EAF2: variants seen among roughly 807,000 people sequenced by gnomAD.
EAF2 encodes ELL-associated factor 2.
Under a neutral mutation model 29.4 loss-of-function variants are expected in EAF2, and 29 were observed. The observed-to-expected ratio is 0.99, with a 90% CI of 0.73 to 1.35. The LOEUF is 1.35. Ranked by LOEUF, EAF2 falls within the 40% of genes most tolerant of loss-of-function variation. The pLI, the probability that EAF2 is intolerant of heterozygous loss-of-function variation, is 0.00. For missense variants in EAF2, 292 were observed against 312.0 expected (o/e 0.94, Z 0.48); for synonymous variants, 103 against 102.5 (o/e 1.00, Z -0.03).
At chr3:121,840,189 GAAAAAAAAAAAA>G (rs35521886) in intron 1 of EAF2, among the ~76,000 whole-genome samples, 1 of 69,618 alleles carries the variant, frequency 1.4e-5, no homozygotes, top group Non-Finnish European at 2.5e-5. Flanking sequence ...ATTCTCTCAG[GAAAAAAAAAAAA>G]AAAAAAAAAA....
chr3:121,885,844 G>A (rs1427404480), intron 5 of EAF2, among the ~76,000 whole-genome samples: 1 of 151,920 alleles, frequency 6.6e-6, no homozygotes, highest in Non-Finnish European at 1.5e-5. Flanking sequence ...TTATATATTT[G>A]TTTATTTGTT....
chr3:121,860,590 A>C (rs1708809355), intron 4 of EAF2, among the ~76,000 whole-genome samples: 1 of 151,990 alleles, frequency 6.6e-6, no homozygotes, highest in African/African-American at 2.4e-5. Context: ...CTAGTGGTCT[A>C]TCAATTTTGT....
chr3:121,857,227 C>T, intron 4 of EAF2, 71 bp downstream of exon 4: 1 of 1,385,658 alleles, frequency 7.2e-7, no homozygotes, highest in South Asian at 1.4e-5. Flanking sequence ...GGCATGGTGG[C>T]TCACACCTGT....
intron 4 of EAF2, among the ~76,000 whole-genome samples, chr3:121,863,650 G>T (rs951399116): frequency 6.6e-6 from 1 of 152,004 alleles, no homozygotes; most frequent in African/African-American, 2.4e-5. Context: ...CGCACTTCCC[G>T]GGTGAGGCAA....
chr3:121,878,969 C>T (rs527912787), intron 5 of EAF2, among the ~76,000 whole-genome samples: 13 of 152,260 alleles, frequency 8.5e-5, no homozygotes, highest in African/African-American at 3.1e-4. Context: ...CCATACTGTT[C>T]TCCATAGTGC....
chr3:121,874,275 A>G (rs1426733601), intron 5 of EAF2, among the ~76,000 whole-genome samples: 1 of 151,878 alleles, frequency 6.6e-6, no homozygotes, highest in African/African-American at 2.4e-5. Context: ...ACTGAGAGGC[A>G]GAGAATTGGT....
chr3:121,863,078 T>C (rs1708862024), intron 4 of EAF2, among the ~76,000 whole-genome samples: 1 of 152,152 alleles, frequency 6.6e-6, no homozygotes, highest in African/African-American at 2.4e-5. Flanking sequence ...GAGGGGCACT[T>C]GGCTGTATGA....
intron 4 of EAF2, among the ~76,000 whole-genome samples, chr3:121,863,841 C>T (rs1258441235): frequency 6.6e-6 from 1 of 152,064 alleles, no homozygotes; most frequent in Non-Finnish European, 1.5e-5. Flanking sequence ...CCCCTTGTAT[C>T]ATTTTAAATT....
At chr3:121,885,191 A>C (rs1709263321) in intron 5 of EAF2, among the ~76,000 whole-genome samples, 2 of 152,172 alleles carry the variant, frequency 1.3e-5, no homozygotes, top group Admixed American at 1.3e-4. Context: ...CACAACAAAA[A>C]CCTTGGGGTC....
intron 4 of EAF2, among the ~76,000 whole-genome samples, chr3:121,860,585 G>A (rs983974324): frequency 6.6e-6 from 1 of 151,780 alleles, no homozygotes; most frequent in Non-Finnish European, 1.5e-5. Context: ...TCTTGCTAGT[G>A]GTCTATCAAT....
chr3:121,846,295 A>G (rs1218417592), intron 2 of EAF2, among the ~76,000 whole-genome samples: 3 of 152,172 alleles, frequency 2.0e-5, no homozygotes, highest in African/African-American at 7.2e-5. Flanking sequence ...TTAAATTTGT[A>G]TGGGCTTTTT....
chr3:121,881,475 G>C (rs1709189447), intron 5 of EAF2, among the ~76,000 whole-genome samples: 1 of 151,642 alleles, frequency 6.6e-6, no homozygotes, highest in African/African-American at 2.4e-5. Flanking sequence ...ATTATCATTA[G>C]GTTTTCCAAT....
chr3:121,877,201 A>C (rs1367613319), intron 5 of EAF2, among the ~76,000 whole-genome samples: 1 of 151,784 alleles, frequency 6.6e-6, no homozygotes, highest in African/African-American at 2.4e-5. Flanking sequence ...TATCTTCACT[A>C]TGTATGTGTG....
intron 1 of EAF2, among the ~76,000 whole-genome samples, chr3:121,840,488 TAAAAAAA>T (rs1221757062): frequency 5.7e-5 from 2 of 35,012 alleles, no homozygotes; most frequent in Non-Finnish European, 9.4e-5. Context: ...AGACTTCGTC[TAAAAAAA>T]AAAAAAAAAA....
chr3:121,840,496 AAAAAAAAAAAAAG>A lies in EAF2; in HGVS notation c.107-3944_107-3932del, dbSNP rs1334819310. On this transcript the variant is annotated intron_variant, in intron 1 of 5. Coordinates refer to ENST00000273668, the MANE Select transcript of EAF2 (RefSeq NM_018456.6). ...CAGAGGGAGACTTCGTCTAAAAAAA[AAAAAAAAAAAAAG>A]AAAAAAAAAAAACGGGCCGGGTGCG... 9.5e-5 allele frequency among the ~76,000 whole-genome samples: 7 copies of A among 73,584 alleles called. 1 individual carries two copies. Among genetic ancestry groups the A allele is most frequent in the Non-Finnish European group, 1.5e-4 (5 of 32,350 alleles). The allele number at this position is 73,584 out of a possible 152,430, so 48.3% of individuals were successfully genotyped here.
intron 1 of EAF2, among the ~76,000 whole-genome samples, chr3:121,835,955 T>G (rs2107483782): frequency 6.6e-6 from 1 of 152,262 alleles, no homozygotes; most frequent in African/African-American, 2.4e-5. Flanking sequence ...TATTCGAGGG[T>G]GTGTTATTAA....
intron 2 of EAF2, among the ~76,000 whole-genome samples, chr3:121,853,288 G>GT (rs1708664162): frequency 6.6e-6 from 1 of 152,054 alleles, no homozygotes; most frequent in African/African-American, 2.4e-5. Context: ...TCAAAAACGT[G>GT]TTTTTTACAG....
At chr3:121,868,976 A>G (rs1475600814) in intron 4 of EAF2, among the ~76,000 whole-genome samples, 1 of 152,240 alleles carries the variant, frequency 6.6e-6, no homozygotes, top group Non-Finnish European at 1.5e-5. Flanking sequence ...GGGCCATAAA[A>G]CAAATCTCAA....
At chr3:121,841,701 CG>C (rs1320149306) in intron 1 of EAF2, among the ~76,000 whole-genome samples, 2 of 149,742 alleles carry the variant, frequency 1.3e-5, no homozygotes, top group Non-Finnish European at 3.0e-5. Flanking sequence ...GGTGAAACCC[CG>C]TGTTTACTAA....
Sources: gnomAD v4.1 joint callset for allele counts (sites outside exome capture counted in the v4.1 genomes callset) on GRCh38, gnomAD v4.1.1 for gene constraint, MANE v1.5 for transcripts, NCBI Gene and HGNC (gene_info 2026-07-23, HGNC 2026-07-21) for gene names.